The following LRRC37A2 variants were observed in gnomAD, a reference collection of about 807,000 sequenced individuals.
The protein encoded by LRRC37A2 is leucine-rich repeat-containing protein 37A2.
LRRC37A2 carries 9 observed loss-of-function variants against 68.8 expected under a neutral mutation model. The ratio of observed to expected loss-of-function variants is 0.13; its 90% CI spans 0.08 to 0.23. The LOEUF is 0.23. Among genes scored for constraint, LRRC37A2 ranks in the 10% least tolerant of loss-of-function variants. The pLI is 1.00. For missense variants in LRRC37A2, 168 were observed against 950.4 expected (o/e 0.18, Z 10.82); for synonymous variants, 63 against 367.6 (o/e 0.17, Z 9.48).
chr17:46,930,617 A>G, the LRRC37A2 span: 1 of 158,940 alleles, frequency 6.3e-6, no homozygotes, highest in East Asian at 1.9e-4. Flanking sequence ...TCTTCTCTGT[A>G]TGTTTCACAT....
the LRRC37A2 span, among the ~76,000 whole-genome samples, chr17:46,907,198 G>T: frequency 1.3e-5 from 2 of 152,188 alleles, no homozygotes; most frequent in Non-Finnish European, 2.9e-5. Context: ...GCTGAGCCAG[G>T]ATTCAAACAC....
chr17:46,753,541 G>C, the LRRC37A2 span, among the ~76,000 whole-genome samples: 1 of 151,746 alleles, frequency 6.6e-6, no homozygotes, highest in Non-Finnish European at 1.5e-5. Flanking sequence ...AGGTGTATTG[G>C]CTCTTTCCTT....
chr17:46,815,124 G>A, the LRRC37A2 span, among the ~76,000 whole-genome samples: 3 of 152,138 alleles, frequency 2.0e-5, no homozygotes, highest in Non-Finnish European at 2.9e-5. Context: ...TCGCTGGAAT[G>A]TAGCAGGTGC....
the LRRC37A2 span, among the ~76,000 whole-genome samples, chr17:46,879,609 A>G: frequency 2.6e-5 from 4 of 152,334 alleles, no homozygotes; most frequent in East Asian, 5.8e-4. Flanking sequence ...TGGCCATTTT[A>G]TAGATGAGGT....
chr17:46,550,691 C>T lies in LRRC37A2; in HGVS notation c.4809+172C>T. ...TGTTCTTTTACTGCAGTGTATATTT[C>T]AGGATTTTTAAAGGATCCTCGCTTT... On this transcript the variant is annotated intron_variant, in intron 11 of 14. Transcript: ENST00000576629. The T allele has an allele frequency of 4.4e-6, 3 of 684,628 alleles. No individual in the cohort carries two copies. In the South Asian group the frequency reaches 4.5e-5, roughly 10 times the overall value. The allele number at this position is 684,628 out of a possible 1,614,324, so 42.4% of individuals were successfully genotyped here.
the LRRC37A2 span, among the ~76,000 whole-genome samples, chr17:46,844,716 A>G: frequency 0.4 from 60,414 of 152,090 alleles, 13,831 homozygotes; most frequent in East Asian, 0.88. Flanking sequence ...GCCTCTGTGC[A>G]GACCCAAATC....
chr17:46,558,924 C>T (rs1202780451), downstream of LRRC37A2: 15 of 111,644 alleles, frequency 1.3e-4, no homozygotes, highest in African/African-American at 1.2e-4. Context: ...GTGATCCTCC[C>T]GCCTTGGTCT....
chr17:46,928,318 G>C, the LRRC37A2 span, among the ~76,000 whole-genome samples: 1 of 152,194 alleles, frequency 6.6e-6, no homozygotes, highest in Admixed American at 6.5e-5. Flanking sequence ...TGCCTGGCTG[G>C]CATTGGTAGA....
the LRRC37A2 span, among the ~76,000 whole-genome samples, chr17:46,777,893 C>G: frequency 1.3e-5 from 2 of 152,206 alleles, no homozygotes; most frequent in Non-Finnish European, 2.9e-5. Flanking sequence ...TCCACCAAAC[C>G]CTGTCTCCTT....
the LRRC37A2 span, among the ~76,000 whole-genome samples, chr17:46,884,795 G>A: frequency 6.6e-6 from 1 of 152,216 alleles, no homozygotes; most frequent in Admixed American, 6.5e-5. Flanking sequence ...TTCAGACCCA[G>A]TGAAGGCGAC....
chr17:46,751,048 A>G, the LRRC37A2 span, among the ~76,000 whole-genome samples: 1 of 152,210 alleles, frequency 6.6e-6, no homozygotes, highest in Non-Finnish European at 1.5e-5. Flanking sequence ...TGGAGTCAGT[A>G]AAGCTTCTTA....
the LRRC37A2 span, chr17:47,017,180 C>G: frequency 6.2e-7 from 1 of 1,609,744 alleles, no homozygotes; most frequent in East Asian, 2.2e-5. Flanking sequence ...ACGAGTGTCT[C>G]GGAGCTGCCA....
the LRRC37A2 span, among the ~76,000 whole-genome samples, chr17:46,894,517 C>A: frequency 6.6e-6 from 1 of 152,256 alleles, no homozygotes; most frequent in African/African-American, 2.4e-5. Flanking sequence ...ACCCTACAGC[C>A]CTTGAGGGAG....
intron 6 of LRRC37A2, among the ~76,000 whole-genome samples, chr17:46,525,837 CT>C (rs1337467361): frequency 3.4e-5 from 3 of 89,506 alleles, no homozygotes; most frequent in African/African-American, 1.4e-4. Context: ...CCCCAGGGGA[CT>C]TTCATTCCTC....
chr17:46,940,355 G>C, the LRRC37A2 span: 5 of 1,485,622 alleles, frequency 3.4e-6, no homozygotes, highest in Non-Finnish European at 4.5e-6. Flanking sequence ...TTGGGGCCCT[G>C]CCAGAGTTAA....
chr17:47,048,227 A>C, the LRRC37A2 span, among the ~76,000 whole-genome samples: 2 of 150,760 alleles, frequency 1.3e-5, no homozygotes, highest in Non-Finnish European at 3.0e-5. Context: ...TGCTTCTTCC[A>C]CTTTCTCACA....
the LRRC37A2 span, chr17:46,930,852 A>G: frequency 2.2e-6 from 1 of 454,208 alleles, no homozygotes; most frequent in Non-Finnish European, 3.9e-6. Flanking sequence ...CTACAGATTT[A>G]CCTTCAGCTT....
At chr17:46,631,082 A>ACACACACACACACACG in the LRRC37A2 span, among the ~76,000 whole-genome samples, 141 of 142,084 alleles carry the variant, frequency 9.9e-4, no homozygotes, top group Middle Eastern at 3.5e-3. Context: ...ACACACACAC[A>ACACACACACACACACG]CACACACACA....
the LRRC37A2 span, among the ~76,000 whole-genome samples, chr17:46,777,743 CTG>C: frequency 6.6e-6 from 1 of 152,216 alleles, no homozygotes; most frequent in Non-Finnish European, 1.5e-5. Context: ...GATGAGGAAA[CTG>C]AGGCATGGAG....
Sources: gnomAD v4.1 joint callset for allele counts (sites outside exome capture counted in the v4.1 genomes callset) on GRCh38, gnomAD v4.1.1 for gene constraint, MANE v1.5 for transcripts, NCBI Gene and HGNC (gene_info 2026-07-23, HGNC 2026-07-21) for gene names.